The following AKT3 variants were observed in gnomAD, a reference collection of about 807,000 sequenced individuals.
AKT3 encodes the protein AKT serine/threonine kinase 3, also known as RAC-gamma serine/threonine-protein kinase.
Under a neutral mutation model 65.3 loss-of-function variants are expected in AKT3, and 15 were observed. The ratio of observed to expected loss-of-function variants is 0.23; its 90% CI spans 0.15 to 0.35. The LOEUF (loss-of-function observed/expected upper bound fraction) is 0.35, where lower values mean the gene tolerates loss of function less well. Among genes scored for constraint, AKT3 ranks in the 10% least tolerant of loss-of-function variants. AKT3 has a pLI of 1.00. For missense variants in AKT3, 243 were observed against 576.5 expected (o/e 0.42, Z 5.92); for synonymous variants, 206 against 183.8 (o/e 1.12, Z -0.98).
At chr1:243,831,656 A>C (rs1694516458) in intron 2 of AKT3, among the ~76,000 whole-genome samples, 1 of 152,138 alleles carries the variant, frequency 6.6e-6, no homozygotes, top group South Asian at 2.1e-4. Flanking sequence ...ACACAAGTTC[A>C]AGAGGTACAG....
At position 243,716,737 on chromosome 1, in the gene AKT3, C is replaced by T. The variant is rs779452292; in HGVS notation, c.47-21021G>A. ...TATAATGATGTTGTGGAAAAAAGAA[C>T]GAAAAGAGGAGAGGTCATGTCTAGA... On this transcript the variant is annotated intron_variant, in intron 2 of 13. Coordinates refer to ENST00000673466, the MANE Select transcript of AKT3 (RefSeq NM_005465.7). Among the ~76,000 whole-genome samples, 13 of 151,964 alleles carry T rather than the reference C, an allele frequency of 8.6e-5. 1 individual carries two copies. Among genetic ancestry groups the T allele is most frequent in the Admixed American group, 2.0e-4 (3 of 15,252 alleles).
At chr1:243,731,102 C>T (rs1687534203) in intron 2 of AKT3, among the ~76,000 whole-genome samples, 1 of 152,158 alleles carries the variant, frequency 6.6e-6, no homozygotes, top group Non-Finnish European at 1.5e-5. Flanking sequence ...CAATGGTTCC[C>T]GGCTGGCAGA....
At chr1:243,760,146 G>T (rs1689392114) in intron 2 of AKT3, among the ~76,000 whole-genome samples, 2 of 152,216 alleles carry the variant, frequency 1.3e-5, no homozygotes, top group East Asian at 1.9e-4. Flanking sequence ...TAGAGACAGG[G>T]TCTCACTCTG....
At chr1:243,512,532 C>A in intron 12 of AKT3, 106 bp from the exon 13 acceptor site, 1 of 706,298 alleles carries the variant, frequency 1.4e-6, no homozygotes, top group East Asian at 2.8e-5. Context: ...GAACAAAAGT[C>A]TACAATGCTG....
chr1:243,831,180 G>A (rs571704487), intron 2 of AKT3, among the ~76,000 whole-genome samples: 18 of 152,038 alleles, frequency 1.2e-4, no homozygotes, highest in South Asian at 4.1e-4. Context: ...AGAGACTACC[G>A]TGCTCAAAAT....
intron 2 of AKT3, among the ~76,000 whole-genome samples, chr1:243,798,665 T>G (rs1044954453): frequency 2.6e-5 from 4 of 152,124 alleles, no homozygotes; most frequent in Non-Finnish European, 5.9e-5. Context: ...ACAAACACAC[T>G]TATCTCCCCA....
intron 2 of AKT3, chr1:243,818,177 A>G (rs1169008336): frequency 1.3e-5 from 2 of 152,252 alleles, no homozygotes; most frequent in Non-Finnish European, 2.9e-5. Flanking sequence ...TCGATTTTGC[A>G]GAAATAATAA....
intron 10 of AKT3, among the ~76,000 whole-genome samples, chr1:243,562,648 G>C (rs1046731592): frequency 6.6e-6 from 1 of 152,070 alleles, no homozygotes; most frequent in African/African-American, 2.4e-5. Context: ...GTCATTATGA[G>C]GAAGTCCAGA....
intron 2 of AKT3, among the ~76,000 whole-genome samples, chr1:243,730,011 TC>T (rs1687448672): frequency 6.6e-6 from 1 of 152,074 alleles, no homozygotes; most frequent in Non-Finnish European, 1.5e-5. Context: ...TTGGGACAGG[TC>T]CCCAGTGAAA....
chr1:243,773,196 T>C (rs2148284599), intron 2 of AKT3, among the ~76,000 whole-genome samples: 1 of 146,212 alleles, frequency 6.8e-6, no homozygotes, highest in Admixed American at 6.8e-5. Flanking sequence ...TAAAAACATA[T>C]ATATATAAAA....
chr1:243,732,112 C>T (rs1687603088), intron 2 of AKT3, among the ~76,000 whole-genome samples: 2 of 152,150 alleles, frequency 1.3e-5, no homozygotes, highest in African/African-American at 4.8e-5. Flanking sequence ...ACAGTGAGAT[C>T]ATGTATAACC....
intron 11 of AKT3, chr1:243,546,896 C>T (rs1672711566): frequency 6.6e-6 from 1 of 152,172 alleles, no homozygotes; most frequent in Non-Finnish European, 1.5e-5. Flanking sequence ...TATTGGTTGA[C>T]ATTTTTGTTT....
At chr1:243,606,798 T>TGGGCCA (rs1263812637) in intron 8 of AKT3, among the ~76,000 whole-genome samples, 3 of 152,190 alleles carry the variant, frequency 2.0e-5, no homozygotes, top group East Asian at 1.9e-4. Context: ...AACAGTTTTG[T>TGGGCCA]GGGCCAGGGC....
At chr1:243,676,862 A>T (rs527706404) in intron 3 of AKT3, among the ~76,000 whole-genome samples, 1 of 152,154 alleles carries the variant, frequency 6.6e-6, no homozygotes, top group African/African-American at 2.4e-5. Context: ...ATGACCTCTT[A>T]GGTGGTCTCC....
intron 2 of AKT3, among the ~76,000 whole-genome samples, chr1:243,831,433 CAGG>C (rs1282867698): frequency 1.3e-5 from 2 of 151,938 alleles, no homozygotes; most frequent in African/African-American, 4.8e-5. Context: ...TTGAAGGACA[CAGG>C]AGATTTTTCA....
At chr1:243,667,411 C>T (rs566054703) in intron 3 of AKT3, among the ~76,000 whole-genome samples, 1 of 152,062 alleles carries the variant, frequency 6.6e-6, no homozygotes, top group Non-Finnish European at 1.5e-5. Flanking sequence ...TCACATGACA[C>T]CTCCATCCTT....
At chr1:243,701,783 A>G (rs898671905) in intron 2 of AKT3, among the ~76,000 whole-genome samples, 1 of 152,094 alleles carries the variant, frequency 6.6e-6, no homozygotes, top group Non-Finnish European at 1.5e-5. Context: ...TTGTTGTAAC[A>G]TAGTCTTCAA....
At chr1:243,850,738 T>C (rs1283204524), upstream of AKT3, among the ~76,000 whole-genome samples, 1 of 150,902 alleles carries the variant, frequency 6.6e-6, no homozygotes, top group African/African-American at 2.4e-5. Context: ...GCCCTCGTCC[T>C]CAGGCTTCCC....
chr1:243,576,472 T>C (rs904983510), intron 8 of AKT3, among the ~76,000 whole-genome samples: 2 of 152,174 alleles, frequency 1.3e-5, no homozygotes, highest in African/African-American at 2.4e-5. Flanking sequence ...GACATGATCC[T>C]GTATCTAGAA....
Sources: gnomAD v4.1 joint callset for allele counts (sites outside exome capture counted in the v4.1 genomes callset) on GRCh38, gnomAD v4.1.1 for gene constraint, MANE v1.5 for transcripts, NCBI Gene and HGNC (gene_info 2026-07-23, HGNC 2026-07-21) for gene names.